PHEX: variants seen among roughly 807,000 people sequenced by gnomAD.
PHEX encodes the protein phosphate-regulating neutral endopeptidase PHEX.
A neutral mutation model predicts 68.0 loss-of-function variants in PHEX; 16 were observed. The observed-to-expected ratio is 0.24, with a 90% CI of 0.16 to 0.36. The LOEUF is 0.36. Ranked by LOEUF, PHEX falls within the 10% of genes least tolerant of loss-of-function variation. PHEX has a pLI of 1.00. For missense variants in PHEX, 480 were observed against 575.5 expected, an observed-to-expected ratio of 0.83 and a Z score of 1.70; for synonymous variants, 208 against 205.1, an observed-to-expected ratio of 1.01 and a Z score of -0.12.
At chrX:22,153,984 C>A (rs931499195) in intron 12 of PHEX, among the ~76,000 whole-genome samples, 1 of 111,598 alleles carries the variant, frequency 9.0e-6, no homozygotes, top group African/African-American at 3.3e-5. Flanking sequence ...TCACGACTTA[C>A]AGCTGCAAAG....
At chrX:22,095,745 A>G (rs1419858092) in intron 7 of PHEX, among the ~76,000 whole-genome samples, 2 of 112,270 alleles carry the variant, frequency 1.8e-5, no homozygotes, top group Non-Finnish European at 3.8e-5. Flanking sequence ...TGTAATTTTT[A>G]CCTTGAAAAA....
At chrX:22,157,898 A>G (rs923438822) in intron 12 of PHEX, among the ~76,000 whole-genome samples, 1 of 112,050 alleles carries the variant, frequency 8.9e-6, no homozygotes, top group African/African-American at 3.2e-5. Flanking sequence ...GATTCATGGA[A>G]GTGCTTATCT....
chrX:22,219,570 A>G (rs976751315), intron 17 of PHEX, among the ~76,000 whole-genome samples: 4 of 111,563 alleles, frequency 3.6e-5, no homozygotes, highest in Admixed American at 9.5e-5. Flanking sequence ...AGATTATGCA[A>G]TGCTTAATCT....
chrX:22,211,156 G>T (rs1934909253), intron 15 of PHEX, among the ~76,000 whole-genome samples: 1 of 111,764 alleles, frequency 8.9e-6, no homozygotes, highest in Non-Finnish European at 1.9e-5. Flanking sequence ...AAATTTAGTG[G>T]TGAGTTGCAA....
In PHEX at chrX:22,185,756, G is replaced by GTTTTTTTTTTT. The variant is rs3085228; in HGVS notation, c.1587-4681_1587-4671dup. Among the ~76,000 whole-genome samples, 47 of 87,763 alleles carry GTTTTTTTTTTT rather than the reference G, an allele frequency of 5.4e-4. 1 individual carries two copies. Among genetic ancestry groups the GTTTTTTTTTTT allele is most frequent in the African/African-American group, 6.0e-4 (12 of 19,944 alleles). 76.2% of individuals were successfully genotyped at this position (87,763 alleles called of 115,157 possible). ...CTCAGCTGCATGGTTCTCGTTTGTG[G>GTTTTTTTTTTT]TTTTTTTTTTTTTTTTTGGACACAG... On this transcript the variant is annotated intron_variant, in intron 14 of 21. Transcript: ENST00000379374.
At chrX:22,056,926 T>C (rs1011340963) in intron 3 of PHEX, among the ~76,000 whole-genome samples, 1 of 110,122 alleles carries the variant, frequency 9.1e-6, no homozygotes, top group African/African-American at 3.3e-5. Flanking sequence ...ACTGTGGCTT[T>C]TGGGTACCTG....
Position 22,099,145 on chromosome X carries a change from G to A in PHEX, c.1073G>A (p.Arg358Lys). The change falls in exon 9 of 22, where the codon AGA becomes AAA. Residue 358 changes from arginine to lysine, a missense_variant. Transcript: ENST00000379374. ...TTGTTTAGGATATTAGGGTCTGAGA[G>A]AAAGAAGTAAGAACTTTCACATGAA... ...KDLFRILGSE[R>K]KKTIANYLVW... 1 of 1,207,161 alleles carries A rather than the reference G, an allele frequency of 8.3e-7. No individual in the cohort carries two copies.
chrX:22,153,086 G>A (rs757370499), intron 12 of PHEX, among the ~76,000 whole-genome samples: 68 of 109,727 alleles, frequency 6.2e-4, no homozygotes, highest in Non-Finnish European at 9.7e-4. Flanking sequence ...CAATCTCCTG[G>A]GCTCAAGAGA....
rs187256836 is a variant in PHEX, at chrX:22,194,038, T to C, written c.1645+3536T>C. On this transcript the variant is annotated intron_variant, in intron 15 of 21. Coordinates refer to ENST00000379374, the MANE Select transcript of PHEX (RefSeq NM_000444.6). Reference sequence around the variant, plus strand: ...CTTACTGCTCCTTGGGGTACTTAAGTGTGTCTAATAATAGTTCCATCTCCA... The same window carrying C: ...CTTACTGCTCCTTGGGGTACTTAAGCGTGTCTAATAATAGTTCCATCTCCA... Among the ~76,000 whole-genome samples, 319 of 111,551 alleles carry C rather than the reference T, an allele frequency of 2.9e-3. 1 individual carries two copies. The highest frequency in any genetic ancestry group is 9.0e-3 in the African/African-American group (276 of 30,724).
intron 18 of PHEX, among the ~76,000 whole-genome samples, chrX:22,222,237 C>T (rs1402537537): frequency 9.0e-6 from 1 of 111,452 alleles, no homozygotes; most frequent in East Asian, 2.8e-4. Context: ...TAAATATCTA[C>T]AACTGTGACA....
At chrX:22,121,645 G>A (rs1031469813) in intron 11 of PHEX, among the ~76,000 whole-genome samples, 9 of 112,108 alleles carry the variant, frequency 8.0e-5, no homozygotes, top group African/African-American at 2.3e-4. Context: ...TTAAAGCAGA[G>A]CAAATCTATT....
At chrX:22,212,784 C>A (rs1934970542) in intron 15 of PHEX, 120 bp from the exon 16 acceptor site, 2 of 571,122 alleles carry the variant, frequency 3.5e-6, no homozygotes, top group Non-Finnish European at 6.3e-6. Context: ...TAGAGGGCTC[C>A]CAGTGCCAGG....
At chrX:22,203,640 G>T (rs183750390) in intron 15 of PHEX, among the ~76,000 whole-genome samples, 1 of 111,314 alleles carries the variant, frequency 9.0e-6, no homozygotes, top group African/African-American at 3.3e-5. Context: ...GGGCTTATCT[G>T]ATTACAAGAA....
In PHEX at chrX:22,228,561, T is replaced by C. The variant is rs16981879; in HGVS notation, c.2070+950T>C. On this transcript the variant is annotated intron_variant, in intron 20 of 21. Coordinates refer to ENST00000379374, the MANE Select transcript of PHEX (RefSeq NM_000444.6). ...ACCTAATGTCAACAAAACTCAACTC[T>C]AGTCATCCACAACATGACTTTCCTT... 8.0e-3 allele frequency among the ~76,000 whole-genome samples: 893 copies of C among 111,661 alleles called. 7 individuals are homozygous for C. The highest frequency in any genetic ancestry group is 0.028 in the African/African-American group (846 of 30,726).
intron 2 of PHEX, among the ~76,000 whole-genome samples, chrX:22,045,613 A>G (rs1927493021): frequency 8.9e-6 from 1 of 112,718 alleles, no homozygotes. Context: ...GAAAGAGGAA[A>G]AAAATGGTAG....
At position 22,112,229 on chromosome X, in the gene PHEX, C is replaced by T. The variant is rs72620284; in HGVS notation, c.1173+669C>T. 2.7e-4 allele frequency among the ~76,000 whole-genome samples: 30 copies of T among 110,908 alleles called. No individual in the cohort carries two copies. The East Asian group carries it at 8.6e-3, about 32-fold the overall frequency. ...TCCAGAGCTCAAGTGATCCTCTCAC[C>T]TCAGCTTCCCAAAGTGCTGGGATTA... On this transcript the variant is annotated intron_variant, in intron 10 of 21. Coordinates refer to ENST00000379374, the MANE Select transcript of PHEX (RefSeq NM_000444.6).
intron 15 of PHEX, among the ~76,000 whole-genome samples, chrX:22,209,859 G>C (rs1183834969): frequency 9.4e-6 from 1 of 106,231 alleles, no homozygotes; most frequent in African/African-American, 3.5e-5. Flanking sequence ...TTTACACTGT[G>C]AGGAATGCCT....
chrX:22,170,665 T>G (rs1271685446), intron 13 of PHEX, among the ~76,000 whole-genome samples: 1 of 112,205 alleles, frequency 8.9e-6, no homozygotes, highest in Non-Finnish European at 1.9e-5. Context: ...ACTGTCCAGG[T>G]CCCTCAAATT....
At chrX:22,075,192 T>C (rs889681754) in intron 3 of PHEX, among the ~76,000 whole-genome samples, 13 of 109,941 alleles carry the variant, frequency 1.2e-4, no homozygotes, top group Non-Finnish European at 2.3e-4. Context: ...TCCAACCCAA[T>C]TTAATTTATT....
Sources: allele counts gnomAD v4.1 joint callset (sites outside exome capture counted in the v4.1 genomes callset), GRCh38; gene constraint gnomAD v4.1.1; transcripts MANE v1.5; gene names NCBI Gene and HGNC (gene_info 2026-07-23, HGNC 2026-07-21).